The following ATP2A3 variants were observed in gnomAD, a reference collection of about 807,000 sequenced individuals.
ATP2A3 encodes sarcoplasmic/endoplasmic reticulum calcium ATPase 3.
A neutral mutation model predicts 106.8 loss-of-function variants in ATP2A3; 61 were observed. That is an observed-to-expected ratio of 0.57 (90% CI 0.46 to 0.71). The LOEUF (loss-of-function observed/expected upper bound fraction) is 0.71. ATP2A3 is among the 30% of genes least tolerant of loss of function. The pLI is 0.00. For synonymous variants in ATP2A3, 611 were observed against 609.3 expected (o/e 1.00, Z -0.04); for missense variants, 1,201 against 1,423.5 (o/e 0.84, Z 2.52).
Position 3,936,970 on chromosome 17 carries a change from C to A in ATP2A3, c.2321+446G>T, listed in dbSNP as rs1176131336. 2 of 325,380 alleles carry A rather than the reference C, an allele frequency of 6.1e-6. No homozygotes were observed. The highest frequency in any genetic ancestry group is 1.2e-5 in the Non-Finnish European group (2 of 167,174). 20.2% of individuals were successfully genotyped at this position (325,380 alleles called of 1,614,324 possible). Reference sequence around the variant, plus strand: ...GCACAGTCACACGCCGGCACAAATCCTTCTGCTTGTACTCACGCTCAAAAT... The same window carrying A: ...GCACAGTCACACGCCGGCACAAATCATTCTGCTTGTACTCACGCTCAAAAT... On this transcript the variant is annotated intron_variant, in intron 15 of 20. Coordinates refer to ENST00000397041, the MANE Select transcript of ATP2A3 (RefSeq NM_005173.4). This position sits in a 1 kb window ranked among gnomAD's most constrained non-coding sequence, Gnocchi z 5.4.
chr17:3,956,071 G>A (rs1974612), intron 1 of ATP2A3, among the ~76,000 whole-genome samples: 23,973 of 151,746 alleles, frequency 0.16, 2,155 homozygotes, highest in Middle Eastern at 0.24. Context: ...CAGTAGAGGC[G>A]GGGTTTCACC....
chr17:3,962,784 C>T (rs1597694342), intron 1 of ATP2A3, among the ~76,000 whole-genome samples: 1 of 152,196 alleles, frequency 6.6e-6, no homozygotes, highest in Non-Finnish European at 1.5e-5. Context: ...CCAAGGGCTG[C>T]GTCTCCAGTT....
chr17:3,943,568 A>T, intron 10 of ATP2A3, 46 bp from the exon 11 acceptor site: 1 of 1,612,356 alleles, frequency 6.2e-7, no homozygotes, highest in Non-Finnish European at 8.5e-7. Context: ...GGCAGCCTCC[A>T]GCCCGCATCC....
rs1417240982 is a variant in ATP2A3, at chr17:3,936,624, G to A, written c.2322-155C>T. The A allele has an allele frequency of 1.2e-6, 1 of 802,350 alleles. No homozygotes were observed. The highest frequency in any genetic ancestry group is 2.1e-6 in the Non-Finnish European group (1 of 478,172). 49.7% of individuals were successfully genotyped at this position (802,350 alleles called of 1,614,324 possible). ...GCCAGCTGTGATGTGAAGGGTGTGT[G>A]TACACAGCTCTGCCTCGGGCCTGGC... is the stretch of plus-strand genomic sequence containing the variant. On this transcript the variant is annotated intron_variant, in intron 15 of 20. Transcript: ENST00000397041. The surrounding 1 kb of genome is among the most constrained non-coding windows in gnomAD (Gnocchi z 5.4).
At chr17:3,934,427 C>T (rs1436438367) in intron 17 of ATP2A3, among the ~76,000 whole-genome samples, 1 of 151,778 alleles carries the variant, frequency 6.6e-6, no homozygotes, top group Non-Finnish European at 1.5e-5. Context: ...ACTGTATTGC[C>T]CAGGCTGGTC....
chr17:3,929,556 C>A lies in ATP2A3; in HGVS notation c.2745-111G>T. The stretch of plus-strand genomic sequence containing the variant: ...TTCTCTAGCGGTGCATTGCTGTTGC[C>A]CGCTCGGCCTGCCAGGGCCTGTCCC... On this transcript the variant is annotated intron_variant, in intron 18 of 20. Transcript: ENST00000397041. This position sits in a 1 kb window ranked among gnomAD's most constrained non-coding sequence, Gnocchi z 4.3. 1 of 932,202 alleles carries A rather than the reference C, an allele frequency of 1.1e-6. No individual in the cohort carries two copies. The highest frequency in any genetic ancestry group is 1.6e-6 in the Non-Finnish European group (1 of 610,336). The allele number at this position is 932,202 out of a possible 1,614,324, so 57.7% of individuals were successfully genotyped here.
intron 1 of ATP2A3, among the ~76,000 whole-genome samples, chr17:3,963,228 G>A (rs1356014488): frequency 6.6e-6 from 1 of 152,210 alleles, no homozygotes; most frequent in African/African-American, 2.4e-5. Context: ...AAGGCTCCAA[G>A]TCCCCAAAGG....
At position 3,964,219 on chromosome 17, in the gene ATP2A3, T is replaced by C; in HGVS notation, c.73A>G (p.Ser25Gly). ...HFSVTAEGGL[S>G]PAQVTGARER... Reference sequence around the variant, plus strand: ...CGCGCGCCGGTCACCTGCGCCGGGCTCAGGCCGCCCTCGGCTGTCACCGAG... The same window carrying C: ...CGCGCGCCGGTCACCTGCGCCGGGCCCAGGCCGCCCTCGGCTGTCACCGAG... Residue 25 changes from serine (S) to glycine (G), a missense_variant, in exon 1 of 21, where the codon AGC becomes GGC. Ser to Gly is a moderately conservative substitution (Grantham distance 56). Transcript: ENST00000397041. 1 of 1,273,296 alleles carries C rather than the reference T, an allele frequency of 7.9e-7. No homozygotes were observed. The highest frequency in any genetic ancestry group is 1.0e-6 in the Non-Finnish European group (1 of 997,894). The allele number at this position is 1,273,296 out of a possible 1,614,324, so 78.9% of individuals were successfully genotyped here. A position where few individuals can be genotyped will look rare whatever the true frequency, so the allele number is the denominator to read the frequency against.
At position 3,955,298 on chromosome 17, in the gene ATP2A3, G is replaced by A. The variant is rs555986132; in HGVS notation, c.119-1588C>T. 5.7e-4 allele frequency among the ~76,000 whole-genome samples: 86 copies of A among 152,166 alleles called. No individual in the cohort carries two copies. Among genetic ancestry groups the A allele is most frequent in the South Asian group, 2.9e-3 (14 of 4,824 alleles). Reference sequence around the variant, plus strand: ...TTTTTCCTACGGGAGCCCTCTCCCCGGACCACCTGTTTGGAAGCTTTGGGG... The same window carrying A: ...TTTTTCCTACGGGAGCCCTCTCCCCAGACCACCTGTTTGGAAGCTTTGGGG... On this transcript the variant is annotated intron_variant, in intron 1 of 20. Coordinates refer to ENST00000397041, the MANE Select transcript of ATP2A3 (RefSeq NM_005173.4). This position sits in a 1 kb window ranked among gnomAD's most constrained non-coding sequence, Gnocchi z 4.2.
chr17:3,951,814 G>A (rs879306413), intron 3 of ATP2A3, 129 bp from the exon 4 acceptor site: 1 of 955,428 alleles, frequency 1.0e-6, no homozygotes, highest in African/African-American at 1.6e-5. Flanking sequence ...CTCTTGGCTT[G>A]GAGAGGGCCA....
In ATP2A3 at chr17:3,942,226, C is replaced by A. The variant is rs374240116; in HGVS notation, c.1545+380G>T. 2.4e-3 allele frequency among the ~76,000 whole-genome samples: 367 copies of A among 152,288 alleles called. 3 individuals carry two copies. Among genetic ancestry groups the A allele is most frequent in the African/African-American group, 8.2e-3 (340 of 41,554 alleles). On this transcript the variant is annotated intron_variant, in intron 12 of 20. Transcript: ENST00000397041. Reference sequence around the variant, plus strand: ...GCTTCTCCTGCTCCTAAAAGGTCACCCAGGCACTGACTTTTCCAAGTGGCC... The same window carrying A: ...GCTTCTCCTGCTCCTAAAAGGTCACACAGGCACTGACTTTTCCAAGTGGCC...
Position 3,944,341 on chromosome 17 carries a change from C to T in ATP2A3, c.1287+363G>A, listed in dbSNP as rs376942328. Among the ~76,000 whole-genome samples, 204 of 152,332 alleles carry T rather than the reference C, an allele frequency of 1.3e-3. 4 individuals carry two copies. The East Asian group carries it at 0.031, about 23-fold the overall frequency. ...TGCATGCCCCATTCCACTGCCCCGG[C>T]CACGTGAATGCCTAAGTCGCAGGAG... On this transcript the variant is annotated intron_variant, in intron 10 of 20. Transcript: ENST00000397041.
At chr17:3,962,303 C>A (rs900564662) in intron 1 of ATP2A3, among the ~76,000 whole-genome samples, 4 of 152,198 alleles carry the variant, frequency 2.6e-5, no homozygotes, top group Non-Finnish European at 5.9e-5. Context: ...CCTCTGGGTG[C>A]CTCCGTTTCC....
rs150457170 is a variant in ATP2A3 at position 3,925,436 on chromosome 17, T to C, written c.2986A>G (p.Met996Val). 7 of 1,613,682 alleles carry C rather than the reference T, an allele frequency of 4.3e-6. No homozygotes were observed. In the African/African-American group the frequency reaches 9.3e-5, roughly 22 times the overall value. Residue 996 changes from methionine (M) to valine (V), a missense_variant, in exon 21 of 21, where the codon ATG becomes GTG. Met to Val is a conservative substitution (Grantham distance 21). Coordinates refer to ENST00000397041, the MANE Select transcript of ATP2A3 (RefSeq NM_005173.4). This position sits in a 1 kb window ranked among gnomAD's most constrained non-coding sequence, Gnocchi z 4.2. The part of the protein sequence containing the change: ...YLSRNHMHEE[M>V]SQK ...GTTCCCAGCGCTCACTTCTGGCTCA[T>C]TTCTTCTGGAAGAAAAACCCAAGAG...
Position 3,929,504 on chromosome 17 carries a change from C to T in ATP2A3, c.2745-59G>A. 7.0e-7 allele frequency: 1 copy of T among 1,424,566 alleles called. No individual in the cohort carries two copies. Among genetic ancestry groups the T allele is most frequent in the Admixed American group, 1.9e-5 (1 of 51,702 alleles). The allele number at this position is 1,424,566 out of a possible 1,614,324, so 88.2% of individuals were successfully genotyped here. On this transcript the variant is annotated intron_variant, in intron 18 of 20. Coordinates refer to ENST00000397041, the MANE Select transcript of ATP2A3 (RefSeq NM_005173.4). The surrounding 1 kb of genome is among the most constrained non-coding windows in gnomAD (Gnocchi z 4.3). The stretch of plus-strand genomic sequence containing the variant: ...GGTGCAGGGAGGCCCTGCCAGGCAC[C>T]CACCCCCATGGGAGGAGCCTCACCA...
In ATP2A3 at chr17:3,930,172, TCCTCGGCC is replaced by T; in HGVS notation, c.2744+121_2744+128del. On this transcript the variant is annotated intron_variant, in intron 18 of 20. Transcript: ENST00000397041. This position sits in a 1 kb window ranked among gnomAD's most constrained non-coding sequence, Gnocchi z 5.4. ...GGAACCCCCAGCCCTCAGCCCCCAC[TCCTCGGCC>T]CCAGCTCCAGGCCCTGCGCCCAGCC... The T allele has an allele frequency of 4.3e-6, 5 of 1,157,340 alleles. No homozygotes were observed. The highest frequency in any genetic ancestry group is 2.5e-5 in the Admixed American group (1 of 40,452). 71.7% of individuals were successfully genotyped at this position (1,157,340 alleles called of 1,614,324 possible). A position where few individuals can be genotyped will look rare whatever the true frequency, so the allele number is the denominator to read the frequency against.
chr17:3,957,062 A>T (rs3826482), intron 1 of ATP2A3, among the ~76,000 whole-genome samples: 74,453 of 152,062 alleles, frequency 0.49, 19,423 homozygotes, highest in African/African-American at 0.67. Context: ...CCGCATTATC[A>T]CCAGAGAACA....
At chr17:3,944,857 G>A in intron 9 of ATP2A3, 51 bp from the exon 10 acceptor site, 1 of 1,539,946 alleles carries the variant, frequency 6.5e-7, no homozygotes, top group Non-Finnish European at 8.8e-7. Flanking sequence ...CCCCCGAGAG[G>A]GGTCCGCCTC....
Position 3,964,214 on chromosome 17 carries a change from C to T in ATP2A3, c.78G>A (p.Pro26=), listed in dbSNP as rs777509190. 22 of 1,268,638 alleles carry T rather than the reference C, an allele frequency of 1.7e-5. No individual in the cohort carries two copies. In the South Asian group the frequency reaches 2.5e-4, roughly 14 times the overall value. 78.6% of individuals were successfully genotyped at this position (1,268,638 alleles called of 1,614,324 possible). Residue 26 remains proline (P), a synonymous_variant, in exon 1 of 21, where the codon CCG becomes CCA. Transcript: ENST00000397041. ...GCTCCCGCGCGCCGGTCACCTGCGC[C>T]GGGCTCAGGCCGCCCTCGGCTGTCA... The part of the protein sequence containing the change: ...FSVTAEGGLS[P]AQVTGARERY...
Sources: gnomAD v4.1 joint callset for allele counts (sites outside exome capture counted in the v4.1 genomes callset) on GRCh38, gnomAD v4.1.1 for gene constraint, Gnocchi (gnomAD v3.1) non-coding constraint, MANE v1.5 for transcripts, NCBI Gene and HGNC (gene_info 2026-07-23, HGNC 2026-07-21) for gene names.